SPTLC3: variants seen among roughly 807,000 people sequenced by gnomAD.
The protein encoded by SPTLC3 is serine palmitoyltransferase long chain base subunit 3.
In SPTLC3, 36 loss-of-function variants were observed where a neutral mutation model predicts 59.3. The observed-to-expected ratio is 0.61, with a 90% confidence interval of 0.47 to 0.80. SPTLC3 has a LOEUF of 0.80. Ranked by LOEUF, SPTLC3 falls within the 30% of genes least tolerant of loss-of-function variation. The pLI is 0.00. For synonymous variants in SPTLC3, 257 were observed against 240.8 expected (o/e 1.07, Z -0.62); for missense variants, 625 against 685.1 (o/e 0.91, Z 0.98).
chr20:13,067,425 T>C (rs912065886), intron 2 of SPTLC3, among the ~76,000 whole-genome samples: 2 of 152,172 alleles, frequency 1.3e-5, no homozygotes, highest in African/African-American at 4.8e-5. Flanking sequence ...TTTGGACCCA[T>C]GGTTTCCTGT....
chr20:13,075,258 C>T (rs1010614624), intron 4 of SPTLC3, among the ~76,000 whole-genome samples: 12 of 152,124 alleles, frequency 7.9e-5, no homozygotes, highest in African/African-American at 2.9e-4. Flanking sequence ...AACCTAATTC[C>T]CAGTCTAGCT....
intron 8 of SPTLC3, among the ~76,000 whole-genome samples, chr20:13,123,609 G>C (rs1473653610): frequency 6.6e-6 from 1 of 152,146 alleles, no homozygotes; most frequent in Non-Finnish European, 1.5e-5. Context: ...TTCCCTCCAA[G>C]GGGACAGTTC....
intron 1 of SPTLC3, among the ~76,000 whole-genome samples, chr20:13,043,173 T>A (rs568323977): frequency 6.6e-6 from 1 of 152,320 alleles, no homozygotes; most frequent in Admixed American, 6.5e-5. Flanking sequence ...ATCTTGATCA[T>A]GATGTGGAAA....
At chr20:13,124,827 G>T (rs11908149) in intron 8 of SPTLC3, among the ~76,000 whole-genome samples, 7,418 of 152,286 alleles carry the variant, frequency 0.049, 229 homozygotes, top group Middle Eastern at 0.095. Context: ...AGGCTCGGAA[G>T]TGGGAATGAA....
At chr20:13,082,173 C>A (rs764105252) in intron 4 of SPTLC3, among the ~76,000 whole-genome samples, 6 of 152,118 alleles carry the variant, frequency 3.9e-5, no homozygotes, top group Non-Finnish European at 7.3e-5. Context: ...AATGTTGAAA[C>A]TCATAGAATT....
At chr20:13,099,147 C>G (rs541941651) in intron 6 of SPTLC3, among the ~76,000 whole-genome samples, 6 of 152,256 alleles carry the variant, frequency 3.9e-5, no homozygotes, top group African/African-American at 1.2e-4. Flanking sequence ...AGGTCTAGTG[C>G]AATCATAGGG....
intron 6 of SPTLC3, among the ~76,000 whole-genome samples, chr20:13,102,913 C>A (rs554154117): frequency 6.6e-6 from 1 of 152,270 alleles, no homozygotes; most frequent in East Asian, 1.9e-4. Flanking sequence ...GCAATTACCC[C>A]CTCCCCCTGC....
At chr20:13,143,161 G>C (rs139398109) in intron 9 of SPTLC3, among the ~76,000 whole-genome samples, 90 of 152,100 alleles carry the variant, frequency 5.9e-4, no homozygotes, top group African/African-American at 2.1e-3. Flanking sequence ...ACATGTCTTG[G>C]GCACCAAAAA....
At chr20:13,131,777 T>G (rs1451001882) in intron 9 of SPTLC3, among the ~76,000 whole-genome samples, 1 of 152,166 alleles carries the variant, frequency 6.6e-6, no homozygotes, top group Admixed American at 6.5e-5. Flanking sequence ...GAAGCCAAAA[T>G]TATCTTTTTT....
chr20:13,044,469 T>C (rs1318607634), intron 1 of SPTLC3, among the ~76,000 whole-genome samples: 1 of 152,306 alleles, frequency 6.6e-6, no homozygotes, highest in East Asian at 1.9e-4. Context: ...TCTTTCTTCG[T>C]GAGACTCTCA....
intron 6 of SPTLC3, among the ~76,000 whole-genome samples, chr20:13,094,131 G>A (rs1396141372): frequency 1.3e-5 from 2 of 152,296 alleles, no homozygotes; most frequent in East Asian, 3.9e-4. Context: ...GGGTCTTGAT[G>A]AGGCAGCATG....
At chr20:13,164,118 G>GA (rs929700312) in intron 11 of SPTLC3, among the ~76,000 whole-genome samples, 1 of 152,012 alleles carries the variant, frequency 6.6e-6, no homozygotes, top group Non-Finnish European at 1.5e-5. Flanking sequence ...TGTGTTCTCA[G>GA]AAAATGACCT....
intron 1 of SPTLC3, among the ~76,000 whole-genome samples, chr20:13,011,459 A>G (rs1456117002): frequency 2.0e-5 from 3 of 152,126 alleles, no homozygotes; most frequent in Non-Finnish European, 2.9e-5. Context: ...ATTTGCAACC[A>G]CACAGCAACA....
chr20:13,094,755 G>C (rs533858557), intron 6 of SPTLC3, among the ~76,000 whole-genome samples: 2 of 152,256 alleles, frequency 1.3e-5, no homozygotes, highest in South Asian at 4.1e-4. Context: ...CACTGAGTGG[G>C]GTGAGGTCTG....
At chr20:13,141,770 T>C (rs1408281414) in intron 9 of SPTLC3, among the ~76,000 whole-genome samples, 2 of 152,308 alleles carry the variant, frequency 1.3e-5, no homozygotes, top group South Asian at 4.1e-4. Flanking sequence ...CAATAGGTAA[T>C]ACAAAACAGA....
intron 9 of SPTLC3, among the ~76,000 whole-genome samples, chr20:13,134,098 G>T (rs1011816895): frequency 6.6e-6 from 1 of 152,200 alleles, no homozygotes; most frequent in African/African-American, 2.4e-5. Flanking sequence ...TCACGGTCAG[G>T]TGTACGTACC....
At chr20:13,110,483 A>T (rs1008812619) in intron 7 of SPTLC3, among the ~76,000 whole-genome samples, 1 of 152,112 alleles carries the variant, frequency 6.6e-6, no homozygotes, top group Non-Finnish European at 1.5e-5. Context: ...TGCTAACTTG[A>T]GTTGATCTTT....
At chr20:13,052,261 G>A (rs1053442470) in intron 2 of SPTLC3, among the ~76,000 whole-genome samples, 4 of 152,150 alleles carry the variant, frequency 2.6e-5, no homozygotes, top group African/African-American at 9.7e-5. Context: ...CACCTGGGAA[G>A]CGCAAGGGGT....
At chr20:13,164,552 A>G in intron 11 of SPTLC3, 1 of 588,996 alleles carries the variant, frequency 1.7e-6, no homozygotes, top group African/African-American at 1.9e-5. Context: ...AGACCACTAA[A>G]TAAAATTAAT....
Sources: gnomAD v4.1 joint callset for allele counts (sites outside exome capture counted in the v4.1 genomes callset) on GRCh38, gnomAD v4.1.1 for gene constraint, MANE v1.5 for transcripts, NCBI Gene and HGNC (gene_info 2026-07-23, HGNC 2026-07-21) for gene names.